The following EXT1 variants were observed in gnomAD, a reference collection of about 807,000 sequenced individuals.
The protein encoded by EXT1 is exostosin-1.
In EXT1, 20 loss-of-function variants were observed where a neutral mutation model predicts 82.5. That is an observed-to-expected ratio of 0.24 (90% CI 0.17 to 0.35). The LOEUF (loss-of-function observed/expected upper bound fraction) is 0.35. EXT1 is among the 10% of genes least tolerant of loss of function. The pLI, the probability that EXT1 is intolerant of heterozygous loss-of-function variation, is 1.00. For synonymous variants in EXT1, 348 were observed against 350.8 expected, an observed-to-expected ratio of 0.99 and a Z score of 0.09; for missense variants, 757 against 936.5, an observed-to-expected ratio of 0.81 and a Z score of 2.50.
rs1032094112 is a variant in EXT1, at chr8:117,890,003, T to C, written c.963-52802A>G. Among the ~76,000 whole-genome samples the C allele has an allele frequency of 4.6e-5, 7 of 152,174 alleles. No homozygotes were observed. In the East Asian group the frequency reaches 1.3e-3, roughly 29 times the overall value. ...CTTAGAATAGCTTTCAGAAAACATA[T>C]GATCAAAATGCATGAAAAATTTGTC... On this transcript the variant is annotated intron_variant, in intron 1 of 10. Transcript: ENST00000378204.
At chr8:118,048,659 T>C (rs909919467) in intron 1 of EXT1, among the ~76,000 whole-genome samples, 22 of 152,200 alleles carry the variant, frequency 1.4e-4, no homozygotes, top group Non-Finnish European at 2.5e-4. Context: ...TTTTGAACTA[T>C]GTCTACTATA....
At chr8:118,010,636 C>A (rs1361621423) in intron 1 of EXT1, among the ~76,000 whole-genome samples, 251 of 152,280 alleles carry the variant, frequency 1.6e-3, no homozygotes, top group African/African-American at 5.8e-3. Context: ...CATTCAGGTC[C>A]TTTAGGAGCA....
chr8:117,933,236 ATTTTTT>A (rs34159778), intron 1 of EXT1, among the ~76,000 whole-genome samples: 5 of 133,278 alleles, frequency 3.8e-5, no homozygotes, highest in African/African-American at 5.6e-5. Context: ...TCTGCTGGGT[ATTTTTT>A]TTTTTTTTTT....
intron 1 of EXT1, among the ~76,000 whole-genome samples, chr8:117,991,131 G>A (rs930423089): frequency 1.4e-4 from 21 of 150,608 alleles, no homozygotes; most frequent in Non-Finnish European, 2.5e-4. Flanking sequence ...TTTTTAGATG[G>A]ACCCTCGCTC....
intron 1 of EXT1, among the ~76,000 whole-genome samples, chr8:117,981,241 A>T (rs1815196378): frequency 6.6e-6 from 1 of 152,214 alleles, no homozygotes; most frequent in Non-Finnish European, 1.5e-5. Flanking sequence ...TTTTAAGATT[A>T]TCAATGCCAA....
rs574824557 is a variant in EXT1, at chr8:117,797,649, T to A, written c.*2063A>T. On this transcript the variant is annotated 3_prime_UTR_variant, in exon 11 of 11. Coordinates refer to ENST00000378204, the MANE Select transcript of EXT1 (RefSeq NM_000127.3). ...TCACAAAGGCCAAATGAATAAAGAT[T>A]AACTGCTAATCTTTTAACTTGCTGA... 3.3e-5 allele frequency: 5 copies of A among 152,308 alleles called. No individual in the cohort carries two copies. The South Asian group carries it at 1.0e-3, about 32-fold the overall frequency. The allele number at this position is 152,308 out of a possible 1,614,324, so 9.4% of individuals were successfully genotyped here. A position where few individuals can be genotyped will look rare whatever the true frequency, so the allele number is the denominator to read the frequency against.
intron 1 of EXT1, among the ~76,000 whole-genome samples, chr8:117,994,521 G>A (rs1815497893): frequency 1.3e-5 from 2 of 152,154 alleles, no homozygotes; most frequent in South Asian, 4.1e-4. Flanking sequence ...TGAGGCAGGA[G>A]GATCACTTGA....
intron 1 of EXT1, among the ~76,000 whole-genome samples, chr8:117,968,106 T>G (rs561388229): frequency 3.3e-5 from 5 of 152,168 alleles, no homozygotes; most frequent in Non-Finnish European, 7.4e-5. Context: ...ACAATAAAAT[T>G]TACTTTTTAA....
intron 5 of EXT1, among the ~76,000 whole-genome samples, chr8:117,820,882 G>T (rs931676042): frequency 1.3e-5 from 2 of 152,120 alleles, no homozygotes; most frequent in Non-Finnish European, 2.9e-5. Context: ...GAGAAAAAAA[G>T]TATGTGAGGC....
chr8:117,814,529 G>T (rs1811761338), intron 7 of EXT1, among the ~76,000 whole-genome samples: 1 of 152,066 alleles, frequency 6.6e-6, no homozygotes, highest in Admixed American at 6.6e-5. Context: ...TAAGTATCTT[G>T]CCCAAAACGG....
intron 1 of EXT1, among the ~76,000 whole-genome samples, chr8:117,849,534 A>G (rs992671900): frequency 6.6e-6 from 1 of 152,242 alleles, no homozygotes; most frequent in Non-Finnish European, 1.5e-5. Context: ...CAAGTTTCTA[A>G]AAGGATATAG....
At chr8:117,841,483 T>C (rs1179921169) in intron 1 of EXT1, among the ~76,000 whole-genome samples, 2 of 152,176 alleles carry the variant, frequency 1.3e-5, no homozygotes, top group Non-Finnish European at 2.9e-5. Flanking sequence ...CCTCGTTTCT[T>C]ATGTTTAGAA....
chr8:118,089,476 C>A (rs1386045219), intron 1 of EXT1, among the ~76,000 whole-genome samples: 1 of 152,152 alleles, frequency 6.6e-6, no homozygotes, highest in Non-Finnish European at 1.5e-5. Flanking sequence ...AAGAGTATAT[C>A]TATGCCATGA....
At chr8:117,904,627 T>A (rs1176230288) in intron 1 of EXT1, among the ~76,000 whole-genome samples, 2 of 152,140 alleles carry the variant, frequency 1.3e-5, no homozygotes, top group Non-Finnish European at 2.9e-5. Context: ...CACTCTTACA[T>A]TTACCCTCTT....
chr8:117,915,930 T>G (rs1274963089), intron 1 of EXT1, among the ~76,000 whole-genome samples: 1 of 152,216 alleles, frequency 6.6e-6, no homozygotes, highest in Non-Finnish European at 1.5e-5. Flanking sequence ...TGAAATATTC[T>G]GTTTTGGCTG....
At chr8:117,806,534 C>T in intron 9 of EXT1, among the ~76,000 whole-genome samples, 1 of 152,224 alleles carries the variant, frequency 6.6e-6, no homozygotes. Context: ...CTTCCTGTCA[C>T]CCATTCCACC....
Position 117,916,750 on chromosome 8 carries a change from T to C in EXT1, c.963-79549A>G, listed in dbSNP as rs137869557. Among the ~76,000 whole-genome samples the C allele has an allele frequency of 2.1e-4, 32 of 151,988 alleles. 1 individual carries two copies. In the East Asian group the frequency reaches 5.8e-3, roughly 28 times the overall value. On this transcript the variant is annotated intron_variant, in intron 1 of 10. Transcript: ENST00000378204. ...CAACATGGTGAAACCCCGTCTCTAC[T>C]AAAAATAGAAAAATTAGCTGGGTGT... is the stretch of plus-strand genomic sequence containing the variant.
At chr8:118,096,361 G>A (rs1316272863) in intron 1 of EXT1, among the ~76,000 whole-genome samples, 1 of 152,134 alleles carries the variant, frequency 6.6e-6, no homozygotes, top group African/African-American at 2.4e-5. Context: ...ACTGGTTCAC[G>A]CCTGTAATCC....
At chr8:117,999,340 T>A (rs937390574) in intron 1 of EXT1, among the ~76,000 whole-genome samples, 1 of 152,220 alleles carries the variant, frequency 6.6e-6, no homozygotes, top group Admixed American at 6.5e-5. Flanking sequence ...CCAATCATTA[T>A]AGAGACTAGA....
Sources: allele counts gnomAD v4.1 joint callset (sites outside exome capture counted in the v4.1 genomes callset), GRCh38; gene constraint gnomAD v4.1.1; transcripts MANE v1.5; gene names NCBI Gene and HGNC (gene_info 2026-07-23, HGNC 2026-07-21).